EVI5: variants seen among roughly 807,000 people sequenced by gnomAD.
EVI5 encodes ecotropic viral integration site 5.
Under a neutral mutation model 112.0 loss-of-function variants are expected in EVI5, and 73 were observed. The observed-to-expected ratio is 0.65, with a 90% CI of 0.54 to 0.79. The LOEUF (loss-of-function observed/expected upper bound fraction) is 0.79. Ranked by LOEUF, EVI5 falls within the 30% of genes least tolerant of loss-of-function variation. EVI5 has a pLI of 0.00. For synonymous variants in EVI5, 305 were observed against 319.9 expected, an observed-to-expected ratio of 0.95 and a Z score of 0.50; for missense variants, 900 against 968.8, an observed-to-expected ratio of 0.93 and a Z score of 0.94.
intron 2 of EVI5, among the ~76,000 whole-genome samples, chr1:92,727,581 G>C (rs998563488): frequency 2.0e-5 from 3 of 152,072 alleles, no homozygotes; most frequent in Non-Finnish European, 2.9e-5. Flanking sequence ...TACTAATTGA[G>C]ATGAATGTAA....
chr1:92,708,368 A>T (rs951664292), intron 2 of EVI5, among the ~76,000 whole-genome samples: 1 of 152,206 alleles, frequency 6.6e-6, no homozygotes, highest in South Asian at 2.1e-4. Context: ...ATACATAAGA[A>T]GATGTTCAAC....
chr1:92,678,448 T>C (rs1294142359), intron 9 of EVI5, among the ~76,000 whole-genome samples: 1 of 152,064 alleles, frequency 6.6e-6, no homozygotes, highest in Non-Finnish European at 1.5e-5. Flanking sequence ...GGAGGATTGC[T>C]TGAGCCAGGA....
chr1:92,700,111 C>T (rs2102517045), intron 5 of EVI5, among the ~76,000 whole-genome samples: 1 of 152,156 alleles, frequency 6.6e-6, no homozygotes, highest in East Asian at 1.9e-4. Flanking sequence ...GAGTGGCATA[C>T]ACCAAGTTGT....
At chr1:92,535,037 AG>A (rs1663615090) in intron 19 of EVI5, among the ~76,000 whole-genome samples, 3 of 152,208 alleles carry the variant, frequency 2.0e-5, no homozygotes. Flanking sequence ...CATCTGACAA[AG>A]GGCTAATATC....
chr1:92,515,157 T>C (rs373927955), intron 19 of EVI5, among the ~76,000 whole-genome samples: 2 of 152,210 alleles, frequency 1.3e-5, no homozygotes, highest in East Asian at 3.8e-4. Context: ...TAGTCCTCAA[T>C]CCCTGGAGTT....
chr1:92,782,962 A>G (rs1482382769), intron 1 of EVI5, among the ~76,000 whole-genome samples: 1 of 152,002 alleles, frequency 6.6e-6, no homozygotes, highest in Non-Finnish European at 1.5e-5. Context: ...TCGGACTACC[A>G]GCGCACACAA....
At chr1:92,756,143 T>C in intron 1 of EVI5, 1 of 371,472 alleles carries the variant, frequency 2.7e-6, no homozygotes, top group Non-Finnish European at 5.6e-6. Flanking sequence ...AGCCTAGGTG[T>C]TATGACTAAT....
intron 3 of EVI5, 96 bp from the exon 4 acceptor site, chr1:92,703,715 C>T (rs1244884958): frequency 2.7e-6 from 2 of 728,254 alleles, no homozygotes; most frequent in African/African-American, 3.8e-5. Context: ...AAGTAGAAGA[C>T]ATCATTAAAT....
intron 1 of EVI5, among the ~76,000 whole-genome samples, chr1:92,754,025 T>C (rs1161859929): frequency 6.6e-6 from 1 of 152,136 alleles, no homozygotes; most frequent in Admixed American, 6.5e-5. Flanking sequence ...CCCCAGAGAA[T>C]AGTAAAGTAA....
intron 19 of EVI5, among the ~76,000 whole-genome samples, chr1:92,527,871 A>C (rs1304395422): frequency 6.6e-6 from 1 of 152,110 alleles, no homozygotes; most frequent in Non-Finnish European, 1.5e-5. Context: ...TATCCTTTCT[A>C]ATGTTAATGG....
chr1:92,609,525 T>C (rs911719377), intron 16 of EVI5, among the ~76,000 whole-genome samples: 1 of 152,078 alleles, frequency 6.6e-6, no homozygotes, highest in Non-Finnish European at 1.5e-5. Context: ...GCCCAGCTAA[T>C]TTTTGTATTT....
At chr1:92,647,368 T>C (rs1438429666) in intron 13 of EVI5, 2 of 261,018 alleles carry the variant, frequency 7.7e-6, no homozygotes, top group Non-Finnish European at 7.8e-6. Flanking sequence ...CATGTCTCTT[T>C]TGGAGACATG....
At chr1:92,592,728 TA>T (rs1674187708) in intron 18 of EVI5, among the ~76,000 whole-genome samples, 1 of 151,994 alleles carries the variant, frequency 6.6e-6, no homozygotes, top group South Asian at 2.1e-4. Flanking sequence ...TACAAAATGA[TA>T]AAGGGGATAT....
intron 10 of EVI5, among the ~76,000 whole-genome samples, chr1:92,675,230 G>T (rs1666528736): frequency 6.6e-6 from 1 of 152,164 alleles, no homozygotes; most frequent in Non-Finnish European, 1.5e-5. Context: ...TGTAGTCCCA[G>T]CTACTTAGGA....
At chr1:92,612,514 G>C (rs1004122773) in intron 16 of EVI5, among the ~76,000 whole-genome samples, 1 of 151,914 alleles carries the variant, frequency 6.6e-6, no homozygotes. Flanking sequence ...TTCGACACTA[G>C]CCTGGCCAAT....
At chr1:92,771,948 G>A (rs542190276) in intron 1 of EVI5, among the ~76,000 whole-genome samples, 3 of 151,818 alleles carry the variant, frequency 2.0e-5, no homozygotes, top group East Asian at 3.9e-4. Context: ...TCCGCCTCCT[G>A]GGTTCAAGCA....
rs1156287083 is a variant in EVI5 at position 92,792,351 on chromosome 1, C to T, written c.44G>A (p.Gly15Glu). 1.2e-6 allele frequency: 2 copies of T among 1,602,748 alleles called. No individual in the cohort carries two copies. The highest frequency in any genetic ancestry group is 4.5e-5 in the East Asian group (2 of 44,818). ...ATCGTTTTACACATTTACCTGTTTCCCACTAGGGTTTCTAAAGGCAGCAGT... is the reference window on the plus strand; with the variant it reads ...ATCGTTTTACACATTTACCTGTTTCTCACTAGGGTTTCTAAAGGCAGCAGT... The change falls in exon 1 of 18, where the codon GGG (glycine) becomes GAG (glutamate). Residue 15 changes from glycine (G) to glutamate (E), a missense_variant. Coordinates refer to the EVI5 transcript ENST00000370331.
At chr1:92,528,433 T>C (rs550721249) in intron 19 of EVI5, among the ~76,000 whole-genome samples, 23 of 152,210 alleles carry the variant, frequency 1.5e-4, no homozygotes, top group African/African-American at 5.3e-4. Context: ...ACAATTATAG[T>C]AGTCACCCAG....
chr1:92,655,679 T>G (rs1478151906), intron 13 of EVI5, among the ~76,000 whole-genome samples: 1 of 152,144 alleles, frequency 6.6e-6, no homozygotes, highest in Non-Finnish European at 1.5e-5. Context: ...GTAGCTATCT[T>G]TGTATCAGAT....
Sources: gnomAD v4.1 joint callset for allele counts (sites outside exome capture counted in the v4.1 genomes callset) on GRCh38, gnomAD v4.1.1 for gene constraint, MANE v1.5 for transcripts, NCBI Gene and HGNC (gene_info 2026-07-23, HGNC 2026-07-21) for gene names.